The following IVNS1ABP variants were observed in gnomAD, a reference collection of about 807,000 sequenced individuals.
IVNS1ABP encodes influenza virus NS1A-binding protein.
IVNS1ABP carries 25 observed loss-of-function variants against 78.9 expected under a neutral mutation model. The ratio of observed to expected loss-of-function variants is 0.32; its 90% CI spans 0.23 to 0.44. The LOEUF (loss-of-function observed/expected upper bound fraction) is 0.44, where lower values mean the gene tolerates loss of function less well. Among genes scored for constraint, IVNS1ABP ranks in the 20% least tolerant of loss-of-function variants. The pLI is 1.00. For synonymous variants in IVNS1ABP, 241 were observed against 259.7 expected (o/e 0.93, Z 0.69); for missense variants, 494 against 768.9 (o/e 0.64, Z 4.23).
chr1:185,306,401 G>A, intron 7 of IVNS1ABP: 1 of 1,135,110 alleles, frequency 8.8e-7, no homozygotes, highest in Admixed American at 3.0e-5. Context: ...AGTAGCCCAA[G>A]TTAAGTGAGT....
intron 11 of IVNS1ABP, 23 bp from the exon 12 acceptor site, chr1:185,300,366 G>A (rs1194493845): frequency 1.2e-6 from 2 of 1,613,370 alleles, no homozygotes; most frequent in African/African-American, 1.3e-5. Context: ...TGAGAGATGA[G>A]AATTTCTAAC....
At chr1:185,307,228 T>C in intron 6 of IVNS1ABP, 89 bp from the exon 7 acceptor site, 1 of 1,453,538 alleles carries the variant, frequency 6.9e-7, no homozygotes. Flanking sequence ...TTGTCACAGA[T>C]GCACAATTCA....
chr1:185,309,560 T>G, intron 2 of IVNS1ABP, 49 bp from the exon 3 acceptor site: 1 of 895,994 alleles, frequency 1.1e-6, no homozygotes, highest in Non-Finnish European at 1.9e-6. Context: ...ACTGATGGTT[T>G]TAAAAATATA....
At position 185,316,088 on chromosome 1, in the gene IVNS1ABP, G is replaced by C. The variant is rs557933583; in HGVS notation, c.-247+865C>G. On this transcript the variant is annotated intron_variant, in intron 1 of 14. Transcript: ENST00000367498. ...CAGCCTGATACCTTCCTATCATCAAGAGCTTATAATCAGAGACACTTAACC... is the reference window on the plus strand; with the variant it reads ...CAGCCTGATACCTTCCTATCATCAACAGCTTATAATCAGAGACACTTAACC... Among the ~76,000 whole-genome samples, 3 of 152,312 alleles carry C rather than the reference G, an allele frequency of 2.0e-5. No homozygotes were observed. In the South Asian group the frequency reaches 6.2e-4, roughly 32 times the overall value.
chr1:185,309,771 C>G (rs1384672663), intron 2 of IVNS1ABP, among the ~76,000 whole-genome samples: 1 of 152,050 alleles, frequency 6.6e-6, no homozygotes, highest in Non-Finnish European at 1.5e-5. Context: ...GGTTCCCATG[C>G]CCATTAAGCA....
intron 9 of IVNS1ABP, 24 bp downstream of exon 9, chr1:185,301,410 A>G (rs941310237): frequency 8.7e-6 from 14 of 1,611,564 alleles, no homozygotes; most frequent in South Asian, 3.3e-5. Context: ...GCTGAAAACA[A>G]TCTGGCAAGT....
chr1:185,309,238 A>G, intron 3 of IVNS1ABP, 66 bp from the exon 4 acceptor site: 1 of 1,265,888 alleles, frequency 7.9e-7, no homozygotes, highest in Non-Finnish European at 1.1e-6. Flanking sequence ...TAATTACTAT[A>G]TCAGATTCCT....
At position 185,299,839 on chromosome 1, in the gene IVNS1ABP, T is replaced by C. The variant is rs1665522042; in HGVS notation, c.1546A>G (p.Ile516Val). ...TTCCAAGATTCTGCACCTCCGATTA[T>C]GTACAAATAACCACCAAGCTCACAG... ...AVCELGGYLY[I>V]IGGAESWNCL... The change falls in exon 14 of 15, where the codon ATA (isoleucine) becomes GTA (valine). Residue 516 changes from isoleucine (I) to valine (V), a missense_variant. By Grantham distance (29) the Ile-to-Val change is conservative (BLOSUM62 3). Transcript: ENST00000367498. 1.2e-6 allele frequency: 2 copies of C among 1,613,742 alleles called. No individual in the cohort carries two copies. The highest frequency in any genetic ancestry group is 1.7e-6 in the Non-Finnish European group (2 of 1,179,816).
At chr1:185,310,354 T>A (rs1665853133) in intron 2 of IVNS1ABP, among the ~76,000 whole-genome samples, 1 of 152,200 alleles carries the variant, frequency 6.6e-6, no homozygotes, top group African/African-American at 2.4e-5. Context: ...ACACCTGTAA[T>A]CCCAGCACTT....
At position 185,297,406 on chromosome 1, in the gene IVNS1ABP, A is replaced by C. The variant is rs1365069322; in HGVS notation, c.*629T>G. The C allele has an allele frequency of 2.0e-5, 3 of 152,292 alleles. No homozygotes were observed. The East Asian group carries it at 5.8e-4, about 29-fold the overall frequency. 9.4% of individuals were successfully genotyped at this position (152,292 alleles called of 1,614,324 possible). A position where few individuals can be genotyped will look rare whatever the true frequency, so the allele number is the denominator to read the frequency against. On this transcript the variant is annotated 3_prime_UTR_variant, in exon 15 of 15. Transcript: ENST00000367498. The stretch of plus-strand genomic sequence containing the variant: ...CTCAGAGTTTAAAAGACAGACCCCT[A>C]CTCTGCAAACTGAAGACTGCCACTC...
Position 185,305,879 on chromosome 1 carries a change from G to T in IVNS1ABP, c.658-236C>A. 2.2e-6 allele frequency: 1 copy of T among 450,200 alleles called. No homozygotes were observed. Among genetic ancestry groups the T allele is most frequent in the Non-Finnish European group, 4.0e-6 (1 of 249,764 alleles). The allele number at this position is 450,200 out of a possible 1,614,324, so 27.9% of individuals were successfully genotyped here. ...ATCTTCCAATACTGGCTGAAGAGTC[G>T]TTGGCTTGATTGGCTTGAAAGAAAT... On this transcript the variant is annotated intron_variant, in intron 7 of 14. Transcript: ENST00000367498. This position sits in a 1 kb window ranked among gnomAD's most constrained non-coding sequence, Gnocchi z 4.0.
chr1:185,302,123 T>C (rs975296779), intron 8 of IVNS1ABP, among the ~76,000 whole-genome samples: 1 of 152,106 alleles, frequency 6.6e-6, no homozygotes, highest in Non-Finnish European at 1.5e-5. Flanking sequence ...GATTACCTTA[T>C]AGGTATTATA....
chr1:185,316,651 C>T (rs1330027568), intron 1 of IVNS1ABP, among the ~76,000 whole-genome samples: 1 of 152,212 alleles, frequency 6.6e-6, no homozygotes, highest in Non-Finnish European at 1.5e-5. Flanking sequence ...TTCCTCCCAG[C>T]CTGCCTCACC....
chr1:185,312,484 C>T (rs1260565331), intron 1 of IVNS1ABP, among the ~76,000 whole-genome samples: 1 of 152,168 alleles, frequency 6.6e-6, no homozygotes, highest in Non-Finnish European at 1.5e-5. Context: ...TAATCACTTA[C>T]CACAGGACTC....
In IVNS1ABP at chr1:185,300,437, C is replaced by T; in HGVS notation, c.1242G>A (p.Met414Ile). Residue 414 changes from methionine to isoleucine, a missense_variant and splice_region_variant, in exon 11 of 15, where the codon ATG becomes ATA. Transcript: ENST00000367498. ...TGCTCCTGCAACATAATGCGCTTAC[C>T]ATGAGTACAGCCATTTGAAATCGGG... ...PRARFQMAVL[M>I]GQLYVVGGSN... 6.2e-7 allele frequency: 1 copy of T among 1,613,564 alleles called. No homozygotes were observed. The highest frequency in any genetic ancestry group is 8.5e-7 in the Non-Finnish European group (1 of 1,179,704).
Position 185,299,809 on chromosome 1 carries a change from G to A in IVNS1ABP, c.1576C>T (p.Leu526=), listed in dbSNP as rs763236389. 1 of 1,613,666 alleles carries A rather than the reference G, an allele frequency of 6.2e-7. No individual in the cohort carries two copies. The highest frequency in any genetic ancestry group is 1.1e-5 in the South Asian group (1 of 91,082). Reference sequence around the variant, plus strand: ...GGATTGTATCGTTCTACTGTGTTCAGACAATTCCAAGATTCTGCACCTCCG... The same window carrying A: ...GGATTGTATCGTTCTACTGTGTTCAAACAATTCCAAGATTCTGCACCTCCG... The part of the protein sequence containing the change: ...IIGGAESWNC[L]NTVERYNPEN... The change falls in exon 14 of 15, where the codon CTG becomes TTG. Residue 526 remains leucine, a synonymous_variant. Coordinates refer to ENST00000367498, the MANE Select transcript of IVNS1ABP (RefSeq NM_006469.5).
chr1:185,302,001 T>A (rs1665614673), intron 8 of IVNS1ABP, among the ~76,000 whole-genome samples: 1 of 152,120 alleles, frequency 6.6e-6, no homozygotes, highest in East Asian at 1.9e-4. Flanking sequence ...CAGGTATCCT[T>A]CATACAATGC....
Position 185,299,979 on chromosome 1 carries a change from AG to A in IVNS1ABP, c.1501+19del. On this transcript the variant is annotated intron_variant, in intron 13 of 14. Transcript: ENST00000367498. ...GATTTGAAGGTCTTTAAAAAAAAAA[AG>A]GAAAAAAAATCAACTTACGAATGTT... 1.2e-6 allele frequency: 2 copies of A among 1,603,586 alleles called. No homozygotes were observed. The highest frequency in any genetic ancestry group is 1.7e-6 in the Non-Finnish European group (2 of 1,176,262).
chr1:185,308,962 A>G (rs1665814309), intron 4 of IVNS1ABP, 41 bp downstream of exon 4: 18 of 1,581,872 alleles, frequency 1.1e-5, no homozygotes, highest in Non-Finnish European at 1.5e-5. Context: ...AATTTTCTGA[A>G]GATATTCCCT....
Sources: allele counts gnomAD v4.1 joint callset (sites outside exome capture counted in the v4.1 genomes callset), GRCh38; gene constraint gnomAD v4.1.1; non-coding constraint Gnocchi (gnomAD v3.1); transcripts MANE v1.5; gene names NCBI Gene and HGNC (gene_info 2026-07-23, HGNC 2026-07-21).